Variants in CASP1 observed in about 807,000 individuals in gnomAD.
The protein encoded by CASP1 is caspase 1.
Under a neutral mutation model 41.2 loss-of-function variants are expected in CASP1, and 31 were observed. The ratio of observed to expected loss-of-function variants is 0.75; its 90% CI spans 0.57 to 1.02. The LOEUF is 1.02. Among genes scored for constraint, CASP1 ranks in the 50% least tolerant of loss-of-function variants. The pLI is 0.00. For missense variants in CASP1, 490 were observed against 495.7 expected (o/e 0.99, Z 0.11); for synonymous variants, 163 against 166.5 (o/e 0.98, Z 0.16).
rs1045264033 is a variant in CASP1, at chr11:105,025,741, G to C, written c.*517C>G. The C allele has an allele frequency of 3.3e-6, 1 of 302,822 alleles. No homozygotes were observed. The highest frequency in any genetic ancestry group is 6.4e-6 in the Non-Finnish European group (1 of 156,254). 18.8% of individuals were successfully genotyped at this position (302,822 alleles called of 1,614,324 possible). A position where few individuals can be genotyped will look rare whatever the true frequency, so the allele number is the denominator to read the frequency against. Reference sequence around the variant, plus strand: ...CACATGCTATGTTTAAATATACCCTGCTGAGGTGAAGGAGAGAAACATCCA... The same window carrying C: ...CACATGCTATGTTTAAATATACCCTCCTGAGGTGAAGGAGAGAAACATCCA... On this transcript the variant is annotated 3_prime_UTR_variant, in exon 9 of 9. Coordinates refer to ENST00000533400, the MANE Select transcript of CASP1 (RefSeq NM_001257118.3).
At chr11:105,034,640 A>G (rs181402286) in intron 1 of CASP1, 166 bp from the exon 2 acceptor site, 148 of 1,180,790 alleles carry the variant, frequency 1.3e-4, no homozygotes, top group African/African-American at 1.2e-3. Flanking sequence ...GTTTCCCTCA[A>G]TAGTCTCCAT....
chr11:105,029,228 A>C lies in CASP1; in HGVS notation c.902T>G (p.Val301Gly). The C allele has an allele frequency of 6.2e-7, 1 of 1,612,932 alleles. No homozygotes were observed. Among genetic ancestry groups the C allele is most frequent in the South Asian group, 1.1e-5 (1 of 91,046 alleles). ...AGTTGGTAAAGATAGGTTTCCAGAA[A>C]CTCCTACTGAATCTTTAAACCACAC... ...GVVWFKDSVG[V>G]SGNLSLPTTE... is the part of the protein sequence containing the mutation. The change falls in exon 7 of 9, where the codon GTT (valine) becomes GGT (glycine). Residue 301 changes from valine to glycine, a missense_variant. Val to Gly is a moderately radical substitution (Grantham distance 109). Coordinates refer to ENST00000533400, the MANE Select transcript of CASP1 (RefSeq NM_001257118.3).
At position 105,029,260 on chromosome 11, in the gene CASP1, A is replaced by C. The variant is rs749153486; in HGVS notation, c.870T>G (p.Pro290=). Residue 290 remains proline, a synonymous_variant, in exon 7 of 9, where the codon CCT becomes CCG. Coordinates refer to ENST00000533400, the MANE Select transcript of CASP1 (RefSeq NM_001257118.3). ...IIIQACRGDS[P]GVVWFKDSVG... ...CTGAATCTTTAAACCACACCACACC[A>C]GGGCTGTCTGGAAAGACACAGTTTG... The C allele has an allele frequency of 1.2e-6, 2 of 1,610,804 alleles. No homozygotes were observed. The highest frequency in any genetic ancestry group is 1.7e-5 in the Admixed American group (1 of 59,320).
In CASP1 at chr11:105,029,896, T is replaced by C. The variant is rs774591643; in HGVS notation, c.631A>G (p.Met211Val). Residue 211 changes from methionine (M) to valine (V), a missense_variant, in exon 6 of 9, where the codon ATG (methionine) becomes GTG (valine). Met to Val is a conservative substitution (Grantham distance 21). Coordinates refer to ENST00000533400, the MANE Select transcript of CASP1 (RefSeq NM_001257118.3). ...DVKKNLTASD[M>V]TTELEAFAHR... ...GCAAATGCCTCCAGCTCTGTAGTCA[T>C]GTCCTGAAAGACACCATATCACTGA... 3.7e-6 allele frequency: 6 copies of C among 1,609,576 alleles called. No individual in the cohort carries two copies. Among genetic ancestry groups the C allele is most frequent in the South Asian group, 1.1e-5 (1 of 91,014 alleles).
chr11:105,035,011 A>G (rs753335423), intron 1 of CASP1, 96 bp downstream of exon 1: 15 of 1,518,746 alleles, frequency 9.9e-6, no homozygotes, highest in Non-Finnish European at 1.3e-5. Context: ...ACTCAAGTAA[A>G]CTTCCACAGA....
chr11:105,034,618 G>A (rs1172560170), intron 1 of CASP1, 144 bp from the exon 2 acceptor site: 2 of 1,349,934 alleles, frequency 1.5e-6, no homozygotes, highest in Non-Finnish European at 2.0e-6. Flanking sequence ...TTACTGTATT[G>A]CTGTCCTACT....
At chr11:105,028,258 T>C (rs534338) in intron 7 of CASP1, among the ~76,000 whole-genome samples, 23,207 of 152,046 alleles carry the variant, frequency 0.15, 2,040 homozygotes, top group Admixed American at 0.25. Context: ...TTTTAGAAAA[T>C]ATTTTAGAAA....
chr11:105,031,008 G>T, intron 4 of CASP1, 157 bp downstream of exon 4: 1 of 580,958 alleles, frequency 1.7e-6, no homozygotes, highest in Non-Finnish European at 3.2e-6. Flanking sequence ...ATAAACCTGG[G>T]ATTCTAGGAT....
At chr11:105,026,624 C>A in intron 8 of CASP1, 1 of 599,720 alleles carries the variant, frequency 1.7e-6, no homozygotes, top group Non-Finnish European at 3.0e-6. Flanking sequence ...AGGGCAGGAG[C>A]GGGGTGAAAC....
In CASP1 at chr11:105,029,838, G is replaced by C. The variant is rs878955041; in HGVS notation, c.689C>G (p.Thr230Arg). 1 of 1,613,794 alleles carries C rather than the reference G, an allele frequency of 6.2e-7. No individual in the cohort carries two copies. The highest frequency in any genetic ancestry group is 8.5e-7 in the Non-Finnish European group (1 of 1,179,766). The change falls in exon 6 of 9, where the codon ACG becomes AGG. Residue 230 changes from threonine (T) to arginine (R), a missense_variant. Physicochemically the swap from Thr to Arg is moderately conservative, Grantham distance 71. Transcript: ENST00000533400. ...HRPEHKTSDS[T>R]FLVFMSHGIR... ...ACCATGAGACATGAACACCAGGAAC[G>C]TGCTGTCAGAGGTCTTGTGCTCTGG...
rs770491045 is a variant in CASP1 at position 105,033,872 on chromosome 11, A to C, written c.274+336T>G. 6.4e-6 allele frequency: 4 copies of C among 628,008 alleles called. No homozygotes were observed. The African/African-American group carries it at 7.1e-5, about 11-fold the overall frequency. 38.9% of individuals were successfully genotyped at this position (628,008 alleles called of 1,614,324 possible). A position where few individuals can be genotyped will look rare whatever the true frequency, so the allele number is the denominator to read the frequency against. On this transcript the variant is annotated intron_variant, in intron 2 of 8. Coordinates refer to ENST00000533400, the MANE Select transcript of CASP1 (RefSeq NM_001257118.3). ...AAGTGCCTACAGACCCCTTGCACTC[A>C]GCAAAAATAAATCCACAGGTAAATA...
intron 6 of CASP1, 98 bp from the exon 7 acceptor site, chr11:105,029,365 T>C: frequency 9.9e-7 from 1 of 1,006,120 alleles, no homozygotes; most frequent in Non-Finnish European, 1.4e-6. Flanking sequence ...GTGTTTGCTC[T>C]ATCATTAATT....
Position 105,026,353 on chromosome 11 carries a change from G to C in CASP1, c.1120C>G (p.Arg374Gly), listed in dbSNP as rs750821528. 1 of 1,600,810 alleles carries C rather than the reference G, an allele frequency of 6.2e-7. No homozygotes were observed. Among genetic ancestry groups the C allele is most frequent in the African/African-American group, 1.3e-5 (1 of 74,392 alleles). ...CCATCTGGCTGCTCAAATGAAAATC[G>C]AACCTAAAAGAGTAAGGAAAGTCTG... ...CDVEEIFRKV[R>G]FSFEQPDGRA... The change falls in exon 9 of 9, where the codon CGA becomes GGA. Residue 374 changes from arginine (R) to glycine (G), a missense_variant. Physicochemically the swap from Arg to Gly is moderately radical, Grantham distance 125. Transcript: ENST00000533400.
rs768104939 is a variant in CASP1 at position 105,026,994 on chromosome 11, C to T, written c.1007-43G>A. ...TTCAAATCTCAAGACTGGCTCTTGC[C>T]TGAAGAAAGAGAAGAAACCCTAGTA... On this transcript the variant is annotated intron_variant, in intron 7 of 8. Coordinates refer to ENST00000533400, the MANE Select transcript of CASP1 (RefSeq NM_001257118.3). 47 of 1,100,122 alleles carry T rather than the reference C, an allele frequency of 4.3e-5. No homozygotes were observed. In the African/African-American group the frequency reaches 7.3e-4, roughly 17 times the overall value. 68.1% of individuals were successfully genotyped at this position (1,100,122 alleles called of 1,614,324 possible).
rs146764620 is a variant in CASP1, at chr11:105,032,597, T to C, written c.337+467A>G. On this transcript the variant is annotated intron_variant, in intron 3 of 8. Coordinates refer to ENST00000533400, the MANE Select transcript of CASP1 (RefSeq NM_001257118.3). ...GTTCCAAATTTGAGAAAAGCCTGCA[T>C]AAAACTTGGCCATGGGTTGAATGTT... Among the ~76,000 whole-genome samples the C allele has an allele frequency of 2.5e-3, 383 of 152,276 alleles. 3 individuals are homozygous for C. Among genetic ancestry groups the C allele is most frequent in the African/African-American group, 8.6e-3 (358 of 41,566 alleles).
chr11:105,028,056 G>A (rs1238335068), intron 7 of CASP1, among the ~76,000 whole-genome samples: 1 of 152,044 alleles, frequency 6.6e-6, no homozygotes, highest in African/African-American at 2.4e-5. Context: ...GTGGAAGGCT[G>A]GGATCAAAGG....
upstream of CASP1, among the ~76,000 whole-genome samples, chr11:105,035,616 C>CTTATTTT (rs770202897): frequency 1.9e-5 from 1 of 52,072 alleles, no homozygotes; most frequent in Non-Finnish European, 4.6e-5. Flanking sequence ...TTTTTTCTTT[C>CTTATTTT]TGTTTTTTTT....
At chr11:105,029,989 T>C in intron 5 of CASP1, 90 bp from the exon 6 acceptor site, 3 of 1,029,972 alleles carry the variant, frequency 2.9e-6, no homozygotes, top group Admixed American at 4.3e-5. Context: ...AAGGAGTTTC[T>C]TAAGGAATTC....
At position 105,031,220 on chromosome 11, in the gene CASP1, A is replaced by G. The variant is rs755154041; in HGVS notation, c.398T>C (p.Val133Ala). 1.2e-6 allele frequency: 2 copies of G among 1,612,970 alleles called. No homozygotes were observed. Among genetic ancestry groups the G allele is most frequent in the South Asian group, 1.1e-5 (1 of 91,050 alleles). ...MPTSSGSEGNVKLCSLEEAQR... is the reference protein window; with the variant it reads ...MPTSSGSEGNAKLCSLEEAQR... ...AGCTTCTTCTAGGGAGCAAAGCTTG[A>G]CATTCCCTTCTGAGCCTGAGGATGT... The change falls in exon 4 of 9, where the codon GTC becomes GCC. Residue 133 changes from valine to alanine, a missense_variant. Coordinates refer to ENST00000533400, the MANE Select transcript of CASP1 (RefSeq NM_001257118.3).
Sources: gnomAD v4.1 joint callset for allele counts (sites outside exome capture counted in the v4.1 genomes callset) on GRCh38, gnomAD v4.1.1 for gene constraint, MANE v1.5 for transcripts, NCBI Gene and HGNC (gene_info 2026-07-23, HGNC 2026-07-21) for gene names.